The following ASAP1 variants were observed in gnomAD, a reference collection of about 807,000 sequenced individuals.
ASAP1 encodes the protein ArfGAP with SH3 domain, ankyrin repeat and PH domain 1, also known as arf-GAP with SH3 domain, ANK repeat and PH domain-containing protein 1.
Under a neutral mutation model 145.2 loss-of-function variants are expected in ASAP1, and 43 were observed. The ratio of observed to expected loss-of-function variants is 0.30; its 90% confidence interval spans 0.23 to 0.38. The LOEUF (loss-of-function observed/expected upper bound fraction) is 0.38. Ranked by LOEUF, ASAP1 falls within the 10% of genes least tolerant of loss-of-function variation. The pLI, the probability that ASAP1 is intolerant of heterozygous loss-of-function variation, is 1.00. For missense variants in ASAP1, 1,018 were observed against 1,355.3 expected, an observed-to-expected ratio of 0.75 and a Z score of 3.91; for synonymous variants, 546 against 515.5, an observed-to-expected ratio of 1.06 and a Z score of -0.80.
At chr8:130,419,901 G>A (rs1284717279) in intron 1 of ASAP1, among the ~76,000 whole-genome samples, 1 of 151,248 alleles carries the variant, frequency 6.6e-6, no homozygotes, top group African/African-American at 2.4e-5. Context: ...CAGGAGCCTT[G>A]GGGCTTTGCT....
intron 24 of ASAP1, among the ~76,000 whole-genome samples, chr8:130,092,988 C>T (rs2097508813): frequency 6.9e-6 from 1 of 144,058 alleles, no homozygotes; most frequent in Non-Finnish European, 1.5e-5. Context: ...GAAGAAAGAA[C>T]TGGACGTAAA....
chr8:130,227,419 AT>A (rs561099497), intron 4 of ASAP1, among the ~76,000 whole-genome samples: 379 of 148,614 alleles, frequency 2.6e-3, no homozygotes, highest in Middle Eastern at 6.9e-3. Context: ...TGCCCAGCTA[AT>A]TTTTTTTTTG....
chr8:130,350,556 C>T (rs1257439244), intron 3 of ASAP1, among the ~76,000 whole-genome samples: 1 of 152,102 alleles, frequency 6.6e-6, no homozygotes, highest in African/African-American at 2.4e-5. Flanking sequence ...TCGTCCTACA[C>T]CACTGAGCTG....
At chr8:130,225,498 T>C (rs1817537821) in intron 4 of ASAP1, among the ~76,000 whole-genome samples, 1 of 152,216 alleles carries the variant, frequency 6.6e-6, no homozygotes, top group South Asian at 2.1e-4. Context: ...AATGAAATTA[T>C]CTATATGGCA....
intron 1 of ASAP1, among the ~76,000 whole-genome samples, chr8:130,423,581 T>C (rs749736260): frequency 6.6e-6 from 1 of 152,214 alleles, no homozygotes; most frequent in Non-Finnish European, 1.5e-5. Flanking sequence ...GATCTATCCA[T>C]GGCCAGCAAA....
intron 3 of ASAP1, among the ~76,000 whole-genome samples, chr8:130,286,039 A>G (rs1194451925): frequency 2.0e-5 from 3 of 152,252 alleles, no homozygotes; most frequent in African/African-American, 7.2e-5. Flanking sequence ...TGTGCCAGGT[A>G]TGGTACTAGA....
intron 3 of ASAP1, among the ~76,000 whole-genome samples, chr8:130,263,879 C>G (rs951744190): frequency 2.6e-5 from 4 of 152,174 alleles, no homozygotes; most frequent in African/African-American, 9.7e-5. Context: ...ATGAGGAAAC[C>G]GAGGTTCAGA....
intron 12 of ASAP1, among the ~76,000 whole-genome samples, chr8:130,154,637 TC>T (rs2097654240): frequency 6.6e-6 from 1 of 152,176 alleles, no homozygotes; most frequent in African/African-American, 2.4e-5. Flanking sequence ...CTTAAATTAG[TC>T]CTCTAAGAAA....
chr8:130,292,055 C>T (rs73712897), intron 3 of ASAP1, among the ~76,000 whole-genome samples: 5,737 of 152,184 alleles, frequency 0.038, 366 homozygotes, highest in African/African-American at 0.13. Context: ...GAACTGAACT[C>T]GAAACTGAAG....
At chr8:130,273,022 T>C (rs2137090958) in intron 3 of ASAP1, among the ~76,000 whole-genome samples, 1 of 152,246 alleles carries the variant, frequency 6.6e-6, no homozygotes, top group East Asian at 1.9e-4. Flanking sequence ...CACACAGAAA[T>C]GACAAATACT....
intron 3 of ASAP1, among the ~76,000 whole-genome samples, chr8:130,258,457 C>T (rs953311535): frequency 6.6e-6 from 1 of 152,182 alleles, no homozygotes. Flanking sequence ...ACCCTTAAGT[C>T]CCACGGATGT....
intron 14 of ASAP1, among the ~76,000 whole-genome samples, chr8:130,136,245 C>G (rs931714989): frequency 6.6e-6 from 1 of 152,112 alleles, no homozygotes; most frequent in African/African-American, 2.4e-5. Flanking sequence ...ACATCTCCCC[C>G]CAACTCTTTA....
At chr8:130,170,406 C>T (rs562809110) in intron 9 of ASAP1, among the ~76,000 whole-genome samples, 1 of 152,190 alleles carries the variant, frequency 6.6e-6, no homozygotes, top group Non-Finnish European at 1.5e-5. Context: ...CTGCCCACCT[C>T]GGCCTCCCAA....
intron 17 of ASAP1, 127 bp downstream of exon 17, chr8:130,125,829 C>T (rs1326013718): frequency 2.0e-6 from 2 of 978,248 alleles, no homozygotes; most frequent in Non-Finnish European, 2.9e-6. Context: ...AACGTCTACG[C>T]AAACTCACAA....
At chr8:130,155,214 C>T (rs979231373) in intron 12 of ASAP1, among the ~76,000 whole-genome samples, 4 of 152,182 alleles carry the variant, frequency 2.6e-5, no homozygotes, top group African/African-American at 9.7e-5. Flanking sequence ...CGCGCACACA[C>T]CCCTTCTCTT....
chr8:130,165,619 G>A (rs1451947371), intron 11 of ASAP1, among the ~76,000 whole-genome samples: 1 of 152,208 alleles, frequency 6.6e-6, no homozygotes, highest in Non-Finnish European at 1.5e-5. Context: ...GTCACTGCCT[G>A]AGACTGAATG....
At chr8:130,333,501 G>A (rs1824829304) in intron 3 of ASAP1, among the ~76,000 whole-genome samples, 1 of 152,236 alleles carries the variant, frequency 6.6e-6, no homozygotes, top group African/African-American at 2.4e-5. Context: ...CTACTTGGGA[G>A]GCTGAGGCTG....
intron 3 of ASAP1, among the ~76,000 whole-genome samples, chr8:130,333,438 C>T (rs912522095): frequency 1.3e-5 from 2 of 152,144 alleles, no homozygotes; most frequent in African/African-American, 2.4e-5. Context: ...CCTGTCTCTA[C>T]TAAAAATATA....
intron 18 of ASAP1, among the ~76,000 whole-genome samples, chr8:130,119,801 G>GT (rs201471995): frequency 0.17 from 24,441 of 147,198 alleles, 2,519 homozygotes; most frequent in East Asian, 0.44. Context: ...ATGAGCTTCA[G>GT]TTTTTTTTTT....
Sources: allele counts gnomAD v4.1 joint callset (sites outside exome capture counted in the v4.1 genomes callset), GRCh38; gene constraint gnomAD v4.1.1; transcripts MANE v1.5; gene names NCBI Gene and HGNC (gene_info 2026-07-23, HGNC 2026-07-21).